Variants in EHMT1 observed in about 807,000 individuals in gnomAD.
EHMT1 encodes the protein histone-lysine N-methyltransferase EHMT1.
EHMT1 carries 15 observed loss-of-function variants against 147.2 expected under a neutral mutation model. That is an observed-to-expected ratio of 0.10 (90% confidence interval 0.07 to 0.16). EHMT1 has a LOEUF of 0.16. Ranked by LOEUF, EHMT1 falls within the 10% of genes least tolerant of loss-of-function variation. The pLI is 1.00. For missense variants in EHMT1, 1,587 were observed against 1,772.4 expected (o/e 0.90, Z 1.88); for synonymous variants, 795 against 709.6 (o/e 1.12, Z -1.91).
At chr9:137,798,679 G>A in intron 16 of EHMT1, 134 bp from the exon 17 acceptor site, 1 of 789,520 alleles carries the variant, frequency 1.3e-6, no homozygotes, top group Non-Finnish European at 2.2e-6. Context: ...CTCAGCCTGG[G>A]TTTCCTTGTC....
chr9:137,669,456 C>CCGA (rs1564562996), intron 1 of EHMT1, among the ~76,000 whole-genome samples: 12 of 3,286 alleles, frequency 3.7e-3, no homozygotes, highest in South Asian at 9.4e-3. Context: ...CGTGCACTCA[C>CCGA]CTCCACCCAA....
chr9:137,634,354 C>G (rs1326924859), intron 1 of EHMT1, among the ~76,000 whole-genome samples: 1 of 152,196 alleles, frequency 6.6e-6, no homozygotes, highest in East Asian at 1.9e-4. Flanking sequence ...AGGCTTCATT[C>G]TTTTCATGTA....
At chr9:137,807,887 C>T (rs34390775) in intron 18 of EHMT1, among the ~76,000 whole-genome samples, 5,646 of 152,278 alleles carry the variant, frequency 0.037, 184 homozygotes, top group Admixed American at 0.092. Context: ...GGGTTTTTCT[C>T]CCCATTGTGG....
At chr9:137,802,636 GC>G in intron 18 of EHMT1, 1 of 419,738 alleles carries the variant, frequency 2.4e-6, no homozygotes, top group South Asian at 1.3e-4. Flanking sequence ...GGGGAGGTCT[GC>G]ATTTGGAACC....
Position 137,768,529 on chromosome 9 carries a change from A to ATTTTTTTTTTT in EHMT1, c.1647+5737_1647+5747dup, listed in dbSNP as rs947901899. Reference sequence around the variant, plus strand: ...CCACCACGCCCGGCTAATTTTTTGTATTTTTTTTTTTTTTTTTTTTTTTTT... The same window carrying ATTTTTTTTTTT: ...CCACCACGCCCGGCTAATTTTTTGTATTTTTTTTTTTTTTTTTTTTTTTTTTTTTTTTTTTT... On this transcript the variant is annotated intron_variant, in intron 10 of 26. Transcript: ENST00000460843. Among the ~76,000 whole-genome samples, 20 of 18,286 alleles carry ATTTTTTTTTTT rather than the reference A, an allele frequency of 1.1e-3. 5 individuals carry two copies. The highest frequency in any genetic ancestry group is 3.2e-3 in the East Asian group (1 of 308). 12.0% of individuals were successfully genotyped at this position (18,286 alleles called of 152,430 possible). A position where few individuals can be genotyped will look rare whatever the true frequency, so the allele number is the denominator to read the frequency against.
chr9:137,738,010 A>G (rs1266860267), intron 4 of EHMT1, among the ~76,000 whole-genome samples: 5 of 152,206 alleles, frequency 3.3e-5, no homozygotes, highest in East Asian at 1.9e-4. Context: ...CCGAGCCAAC[A>G]TAGTGAAACC....
At chr9:137,762,891 C>T (rs992313688) in intron 10 of EHMT1, 71 bp downstream of exon 10, 16 of 1,601,884 alleles carry the variant, frequency 1.0e-5, no homozygotes, top group East Asian at 8.9e-5. Context: ...GCAGGGGCCC[C>T]GACAGCCCCT....
At chr9:137,715,530 AGCC>A in intron 2 of EHMT1, 1 of 985,192 alleles carries the variant, frequency 1.0e-6, no homozygotes, top group South Asian at 4.7e-5. Flanking sequence ...GGAAGAACAG[AGCC>A]AGGAAGGAGG....
chr9:137,691,770 G>A (rs1240148343), intron 1 of EHMT1, among the ~76,000 whole-genome samples: 1 of 152,150 alleles, frequency 6.6e-6, no homozygotes, highest in East Asian at 1.9e-4. Flanking sequence ...GCACTTGTAA[G>A]GGTCCATCTC....
intron 4 of EHMT1, among the ~76,000 whole-genome samples, chr9:137,742,318 T>C (rs1474204542): frequency 6.6e-6 from 1 of 151,342 alleles, no homozygotes; most frequent in Non-Finnish European, 1.5e-5. Flanking sequence ...TGTGTGTGTG[T>C]GTGTGTGTGT....
chr9:137,829,313 T>C (rs1210285107), intron 25 of EHMT1, among the ~76,000 whole-genome samples: 1 of 152,240 alleles, frequency 6.6e-6, no homozygotes. Flanking sequence ...CAATTCCTTT[T>C]TGACCACACA....
At chr9:137,752,242 T>G in intron 6 of EHMT1, 89 bp from the exon 7 acceptor site, 1 of 1,480,348 alleles carries the variant, frequency 6.8e-7, no homozygotes, top group Non-Finnish European at 9.3e-7. Context: ...CGTTTCGAGG[T>G]TTGCTTTGGA....
Position 137,787,858 on chromosome 9 carries a change from G to A in EHMT1, c.2383-2990G>A, listed in dbSNP as rs1046553440. On this transcript the variant is annotated intron_variant, in intron 15 of 26. Coordinates refer to ENST00000460843, the MANE Select transcript of EHMT1 (RefSeq NM_024757.5). This position sits in a 1 kb window ranked among gnomAD's most constrained non-coding sequence, Gnocchi z 4.2. ...GAGCTGGTTGACGGTGGACATTGGG[G>A]ATAGGAGGTGGGTGGGGGTGCCAAG... The A allele has an allele frequency of 2.7e-6, 3 of 1,105,084 alleles. No homozygotes were observed. The highest frequency in any genetic ancestry group is 2.8e-6 in the Non-Finnish European group (2 of 719,470). 68.5% of individuals were successfully genotyped at this position (1,105,084 alleles called of 1,614,324 possible).
chr9:137,799,668 C>G (rs1229685684), intron 17 of EHMT1, among the ~76,000 whole-genome samples: 2 of 152,256 alleles, frequency 1.3e-5, no homozygotes, highest in Non-Finnish European at 2.9e-5. Context: ...GCTCTCACTC[C>G]TTCCTTCAGG....
At chr9:137,739,094 G>A (rs1043933742) in intron 4 of EHMT1, among the ~76,000 whole-genome samples, 1 of 151,352 alleles carries the variant, frequency 6.6e-6, no homozygotes, top group Non-Finnish European at 1.5e-5. Context: ...AAAACAGGCC[G>A]GGCGCGGTGG....
chr9:137,804,995 CAT>C (rs1377952204), intron 18 of EHMT1, among the ~76,000 whole-genome samples: 6 of 151,798 alleles, frequency 4.0e-5, no homozygotes, highest in African/African-American at 9.7e-5. Flanking sequence ...TGTGTGTCCA[CAT>C]GTGTCAGTTG....
chr9:137,827,405 A>C (rs1955880761), intron 25 of EHMT1, among the ~76,000 whole-genome samples: 1 of 152,050 alleles, frequency 6.6e-6, no homozygotes, highest in Non-Finnish European at 1.5e-5. Flanking sequence ...GAACACACCA[A>C]AGCCTCCTAG....
chr9:137,619,038 G>A lies in EHMT1; in HGVS notation c.10G>A (p.Ala4Thr). 1.0e-6 allele frequency: 1 copy of A among 965,680 alleles called. No homozygotes were observed. Among genetic ancestry groups the A allele is most frequent in the Non-Finnish European group, 1.2e-6 (1 of 813,862 alleles). 59.8% of individuals were successfully genotyped at this position (965,680 alleles called of 1,614,324 possible). A position where few individuals can be genotyped will look rare whatever the true frequency, so the allele number is the denominator to read the frequency against. Reference sequence around the variant, plus strand: ...GCTGCGGGCCCGGGCCATGGCCGCCGCCGATGCCGAGGTGAGCAGCGGGGC... The same window carrying A: ...GCTGCGGGCCCGGGCCATGGCCGCCACCGATGCCGAGGTGAGCAGCGGGGC... MAA[A>T]DAEAVPARGE... The change falls in exon 1 of 27, where the codon GCC (alanine) becomes ACC (threonine). Residue 4 changes from alanine to threonine, a missense_variant. This residue lies in a region of EHMT1 where 810 missense variants were observed against 673.0 expected (regional missense o/e 1.20). Transcript: ENST00000460843.
At chr9:137,643,073 G>A (rs1317359752) in intron 1 of EHMT1, among the ~76,000 whole-genome samples, 1 of 151,906 alleles carries the variant, frequency 6.6e-6, no homozygotes, top group African/African-American at 2.4e-5. Flanking sequence ...TGTAGAGATG[G>A]GGTCTCACTG....
Sources: gnomAD v4.1 joint callset for allele counts (sites outside exome capture counted in the v4.1 genomes callset) on GRCh38, gnomAD v4.1.1 for gene constraint, gnomAD v4.1.1 regional missense constraint, Gnocchi (gnomAD v3.1) non-coding constraint, MANE v1.5 for transcripts, NCBI Gene and HGNC (gene_info 2026-07-23, HGNC 2026-07-21) for gene names.